Variants in KCNJ10 observed in about 807,000 individuals in gnomAD.
KCNJ10 encodes ATP-sensitive inward rectifier potassium channel 10.
KCNJ10 carries 9 observed loss-of-function variants against 22.2 expected under a neutral mutation model. That is an observed-to-expected ratio of 0.40 (90% CI 0.24 to 0.71). KCNJ10 has a LOEUF of 0.71. KCNJ10 is among the 30% of genes least tolerant of loss of function. The pLI, the probability that KCNJ10 is intolerant of heterozygous loss-of-function variation, is 0.35. For synonymous variants in KCNJ10, 184 were observed against 187.3 expected (o/e 0.98, Z 0.15); for missense variants, 337 against 482.7 (o/e 0.70, Z 2.83).
At position 160,041,815 on chromosome 1, in the gene KCNJ10, C is replaced by A. The variant is rs751293401; in HGVS notation, c.718G>T (p.Val240Leu). ...RLNQVNVTFQ[V>L]DTASDSPFLI... ...AAGGGGCTGTCAGAGGCTGTGTCTA[C>A]TTGGAAAGTCACATTGACCTGGTTG... Residue 240 changes from valine to leucine, a missense_variant, in exon 2 of 2, where the codon GTA (valine) becomes TTA (leucine). Around this residue, in one of 3 missense-constraint regions of KCNJ10, gnomAD observed 165 missense variants for 281.5 expected, o/e 0.59. Coordinates refer to ENST00000644903, the MANE Select transcript of KCNJ10 (RefSeq NM_002241.5). This position sits in a 1 kb window ranked among gnomAD's most constrained non-coding sequence, Gnocchi z 4.4. The A allele has an allele frequency of 8.7e-6, 14 of 1,614,200 alleles. No individual in the cohort carries two copies. The highest frequency in any genetic ancestry group is 1.3e-5 in the African/African-American group (1 of 75,042).
rs1648560479 is a variant in KCNJ10 at position 160,039,703 on chromosome 1, G to A, written c.*1690C>T. The stretch of plus-strand genomic sequence containing the variant: ...ATAGTTGGTGGTGATCATGGGTCTA[G>A]CCTCAAAATTTTGTGTTTCTCTGCA... On this transcript the variant is annotated 3_prime_UTR_variant, in exon 2 of 2. Transcript: ENST00000644903. 6.6e-6 allele frequency: 1 copy of A among 152,244 alleles called. No homozygotes were observed. Among genetic ancestry groups the A allele is most frequent in the South Asian group, 2.1e-4 (1 of 4,838 alleles). 9.4% of individuals were successfully genotyped at this position (152,244 alleles called of 1,614,324 possible). A position where few individuals can be genotyped will look rare whatever the true frequency, so the allele number is the denominator to read the frequency against.
chr1:160,050,049 G>A (rs1648864662), intron 1 of KCNJ10, among the ~76,000 whole-genome samples: 1 of 151,930 alleles, frequency 6.6e-6, no homozygotes, highest in Non-Finnish European at 1.5e-5. Flanking sequence ...TAATAGGTAT[G>A]CAAACAAACC....
rs2820585 is a variant in KCNJ10, at chr1:160,069,869, G to A, written c.-1+153C>T. Among the ~76,000 whole-genome samples, 33,226 of 152,188 alleles carry A rather than the reference G, an allele frequency of 0.22. 4,526 individuals carry two copies. The highest frequency in any genetic ancestry group is 0.3 in the Non-Finnish European group (20,157 of 67,972). The stretch of plus-strand genomic sequence containing the variant: ...TTCCCAGGAGGCTCCATTTGGGACT[G>A]CCCAAGGCGGGAGGCAGGGGAACAA... On this transcript the variant is annotated intron_variant, in intron 1 of 1. Coordinates refer to ENST00000644903, the MANE Select transcript of KCNJ10 (RefSeq NM_002241.5).
In KCNJ10 at chr1:160,040,388, G is replaced by T. The variant is rs1571264652; in HGVS notation, c.*1005C>A. ...TCCGTGTTAAGAGAGGAAGGCCCTT[G>T]CATTTTCCCTCCCTTCTCCCAAAGA... On this transcript the variant is annotated 3_prime_UTR_variant, in exon 2 of 2. Coordinates refer to ENST00000644903, the MANE Select transcript of KCNJ10 (RefSeq NM_002241.5). The T allele has an allele frequency of 6.6e-5, 26 of 396,050 alleles. No homozygotes were observed. In the East Asian group the frequency reaches 9.3e-4, roughly 14 times the overall value. 24.5% of individuals were successfully genotyped at this position (396,050 alleles called of 1,614,324 possible).
At chr1:160,060,707 C>A (rs1317968449) in intron 1 of KCNJ10, among the ~76,000 whole-genome samples, 1 of 152,204 alleles carries the variant, frequency 6.6e-6, no homozygotes, top group Non-Finnish European at 1.5e-5. Flanking sequence ...TCCCAATGGG[C>A]CTTCCTCTCT....
chr1:160,063,823 G>A lies in KCNJ10; in HGVS notation c.-1+6199C>T, dbSNP rs138110144. Reference sequence around the variant, plus strand: ...CAGCTCCCTGCCTTCGGGACAATGCGCAGTGGATTCAGGGGCAAGGCTCCG... The same window carrying A: ...CAGCTCCCTGCCTTCGGGACAATGCACAGTGGATTCAGGGGCAAGGCTCCG... On this transcript the variant is annotated intron_variant, in intron 1 of 1. Coordinates refer to ENST00000644903, the MANE Select transcript of KCNJ10 (RefSeq NM_002241.5). Among the ~76,000 whole-genome samples the A allele has an allele frequency of 2.8e-4, 42 of 152,338 alleles. 1 individual carries two copies. The highest frequency in any genetic ancestry group is 8.7e-4 in the African/African-American group (36 of 41,576).
At chr1:160,056,819 C>T (rs1044352972) in intron 1 of KCNJ10, among the ~76,000 whole-genome samples, 2 of 152,202 alleles carry the variant, frequency 1.3e-5, no homozygotes, top group Non-Finnish European at 1.5e-5. Flanking sequence ...CATCACTCAT[C>T]ACCCCACCAC....
chr1:160,054,821 G>C (rs1648987766), intron 1 of KCNJ10, among the ~76,000 whole-genome samples: 1 of 152,154 alleles, frequency 6.6e-6, no homozygotes, highest in Non-Finnish European at 1.5e-5. Flanking sequence ...TTTTCAGTCA[G>C]AGCCCCTCAC....
intron 1 of KCNJ10, among the ~76,000 whole-genome samples, chr1:160,046,864 C>T (rs1243641414): frequency 6.6e-6 from 1 of 152,234 alleles, no homozygotes; most frequent in African/African-American, 2.4e-5. Context: ...ACTCTTTCCT[C>T]TAGAGGGTGC....
intron 1 of KCNJ10, among the ~76,000 whole-genome samples, chr1:160,050,259 G>T (rs1267096830): frequency 1.3e-5 from 2 of 151,202 alleles, no homozygotes; most frequent in Non-Finnish European, 2.9e-5. Context: ...TCATCCTCCT[G>T]AGTACCTGGG....
intron 1 of KCNJ10, among the ~76,000 whole-genome samples, chr1:160,061,654 T>C (rs1649195337): frequency 6.6e-6 from 1 of 150,880 alleles, no homozygotes; most frequent in African/African-American, 2.4e-5. Flanking sequence ...AGTGCAAACT[T>C]GTTATAACCA....
chr1:160,042,170 G>A lies in KCNJ10; in HGVS notation c.363C>T (p.Phe121=). 6.3e-7 allele frequency: 1 copy of A among 1,595,334 alleles called. No individual in the cohort carries two copies. The highest frequency in any genetic ancestry group is 8.6e-7 in the Non-Finnish European group (1 of 1,168,176). The change falls in exon 2 of 2, where the codon TTC becomes TTT. Residue 121 remains phenylalanine (F), a synonymous_variant. Transcript: ENST00000644903. ...QVHTLTGAFL[F]SLESQTTIGY... ...CAATGGTGGTTTGGGATTCAAGGGA[G>A]AAGAGGAAGGCTCCAGTGAGTGTGT...
intron 1 of KCNJ10, among the ~76,000 whole-genome samples, chr1:160,063,039 G>A (rs1649239005): frequency 6.6e-6 from 1 of 152,184 alleles, no homozygotes; most frequent in African/African-American, 2.4e-5. Context: ...GAATTTGACT[G>A]AAGGGCCAAT....
At chr1:160,053,788 A>T (rs1648959698) in intron 1 of KCNJ10, among the ~76,000 whole-genome samples, 1 of 152,128 alleles carries the variant, frequency 6.6e-6, no homozygotes, top group South Asian at 2.1e-4. Context: ...CAACGTTTGG[A>T]AAGTTCTCAT....
At chr1:160,042,566 C>T (rs369947841) in intron 1 of KCNJ10, 34 bp from the exon 2 acceptor site, 50 of 1,597,098 alleles carry the variant, frequency 3.1e-5, no homozygotes, top group East Asian at 6.7e-5. Flanking sequence ...TGGAGGTTAT[C>T]GTAGAAATCC....
chr1:160,052,634 T>C (rs1648930254), intron 1 of KCNJ10, among the ~76,000 whole-genome samples: 2 of 152,178 alleles, frequency 1.3e-5, no homozygotes, highest in African/African-American at 4.8e-5. Flanking sequence ...CAAGGATGTG[T>C]AAAAGCCACT....
intron 1 of KCNJ10, among the ~76,000 whole-genome samples, chr1:160,049,092 A>G (rs1286692933): frequency 6.6e-6 from 1 of 152,224 alleles, no homozygotes; most frequent in Non-Finnish European, 1.5e-5. Context: ...TGAGGCTCAG[A>G]GAGATGGTGT....
chr1:160,051,610 C>T lies in KCNJ10; in HGVS notation c.1-9078G>A, dbSNP rs142436853. 3.3e-5 allele frequency among the ~76,000 whole-genome samples: 5 copies of T among 152,158 alleles called. No individual in the cohort carries two copies. In the East Asian group the frequency reaches 9.7e-4, roughly 30 times the overall value. ...CAACAAGCAGAGATGACACCTTAAG[C>T]ATAGTGGAGGTTAGCAGGAGCCAGA... On this transcript the variant is annotated intron_variant, in intron 1 of 1. Transcript: ENST00000644903.
chr1:160,064,684 T>C (rs1649275642), intron 1 of KCNJ10: 1 of 152,248 alleles, frequency 6.6e-6, no homozygotes, highest in Non-Finnish European at 1.5e-5. Context: ...CTCTAGACTC[T>C]AATACACTCA....
Sources: allele counts gnomAD v4.1 joint callset (sites outside exome capture counted in the v4.1 genomes callset), GRCh38; gene constraint gnomAD v4.1.1; regional missense constraint gnomAD v4.1.1; non-coding constraint Gnocchi (gnomAD v3.1); transcripts MANE v1.5; gene names NCBI Gene and HGNC (gene_info 2026-07-23, HGNC 2026-07-21).